The following NAT9 variants were observed in gnomAD, a reference collection of about 807,000 sequenced individuals.
The protein encoded by NAT9 is alpha/beta-tubulin-N-acetyltransferase 9.
In NAT9, 18 loss-of-function variants were observed where a neutral mutation model predicts 24.0. That is an observed-to-expected ratio of 0.75 (90% CI 0.52 to 1.11). The LOEUF is 1.11. Ranked by LOEUF, NAT9 falls within the 50% of genes most tolerant of loss-of-function variation. The pLI, the probability that NAT9 is intolerant of heterozygous loss-of-function variation, is 0.00. For synonymous variants in NAT9, 104 were observed against 102.3 expected, an observed-to-expected ratio of 1.02 and a Z score of -0.10; for missense variants, 254 against 258.6, an observed-to-expected ratio of 0.98 and a Z score of 0.12.
intron 2 of NAT9, chr17:74,774,076 T>C (rs2035616741): frequency 4.9e-6 from 1 of 202,510 alleles, no homozygotes; most frequent in East Asian, 1.1e-4. Flanking sequence ...AGAATACCCA[T>C]CTACAGCACC....
chr17:74,771,604 C>G lies in NAT9; in HGVS notation c.*120G>C. On this transcript the variant is annotated 3_prime_UTR_variant, in exon 7 of 7. Transcript: ENST00000357814. ...GCAAGCCCCGCCAGAGTCTGAAGGG[C>G]CTCGAAAGGTGATTCCCAGCCTGGG... 1 of 1,454,822 alleles carries G rather than the reference C, an allele frequency of 6.9e-7. No homozygotes were observed. The highest frequency in any genetic ancestry group is 9.2e-7 in the Non-Finnish European group (1 of 1,085,566). The allele number at this position is 1,454,822 out of a possible 1,614,324, so 90.1% of individuals were successfully genotyped here. A position where few individuals can be genotyped will look rare whatever the true frequency, so the allele number is the denominator to read the frequency against.
At chr17:74,774,847 G>A (rs922450424) in intron 2 of NAT9, among the ~76,000 whole-genome samples, 3 of 142,658 alleles carry the variant, frequency 2.1e-5, no homozygotes, top group Non-Finnish European at 4.6e-5. Context: ...ACTGCGCCCA[G>A]CCTTTATTTT....
Position 74,772,798 on chromosome 17 carries a change from T to C in NAT9, c.334+98A>G, listed in dbSNP as rs2035407626. On this transcript the variant is annotated intron_variant, in intron 4 of 6. Transcript: ENST00000357814. The stretch of plus-strand genomic sequence containing the variant: ...GGACTCACCACATGGAGCCTCCCAG[T>C]GAACCCTGTGAGTGCCCACCCTTTG... 4 of 1,542,052 alleles carry C rather than the reference T, an allele frequency of 2.6e-6. No individual in the cohort carries two copies. In the Admixed American group the frequency reaches 7.2e-5, roughly 28 times the overall value.
chr17:74,773,368 AGCCCGAT>A (rs1160991433), intron 3 of NAT9: 41 of 598,812 alleles, frequency 6.8e-5, no homozygotes, highest in Non-Finnish European at 1.0e-4. Context: ...AATCCTTCCA[AGCCCGAT>A]GCAGTGGGTG....
intron 3 of NAT9, 178 bp from the exon 4 acceptor site, chr17:74,773,217 A>C (rs1598371443): frequency 1.3e-6 from 1 of 792,910 alleles, no homozygotes; most frequent in East Asian, 2.7e-5. Context: ...CTCATACAGA[A>C]AAAGCCTCTC....
Position 74,771,440 on chromosome 17 carries a change from TC to T in NAT9, c.*283del. On this transcript the variant is annotated 3_prime_UTR_variant, in exon 7 of 7. Coordinates refer to ENST00000357814, the MANE Select transcript of NAT9 (RefSeq NM_015654.5). ...CCTGCACCTCCAGCTCCCACCTTCATCCCGACATCTCCCATGGATCCCTGCC... is the reference window on the plus strand; with the variant it reads ...CCTGCACCTCCAGCTCCCACCTTCATCCGACATCTCCCATGGATCCCTGCC... The T allele has an allele frequency of 2.0e-6, 1 of 505,212 alleles. No homozygotes were observed. Among genetic ancestry groups the T allele is most frequent in the East Asian group, 3.4e-5 (1 of 29,170 alleles). 31.3% of individuals were successfully genotyped at this position (505,212 alleles called of 1,614,324 possible). A position where few individuals can be genotyped will look rare whatever the true frequency, so the allele number is the denominator to read the frequency against.
chr17:74,771,755 G>C lies in NAT9; in HGVS notation c.593C>G (p.Pro198Arg), dbSNP rs2035225643. The C allele has an allele frequency of 6.2e-7, 1 of 1,613,992 alleles. No individual in the cohort carries two copies. Among genetic ancestry groups the C allele is most frequent in the Non-Finnish European group, 8.5e-7 (1 of 1,180,044 alleles). ...LEQTSHVEEK[P>R]YRDGSAEPC ...GGGCTCTGCCGACCCATCTCTGTAA[G>C]GCTTCTCTTCCACGTGGCTGGTCTG... The change falls in exon 7 of 7, where the codon CCT becomes CGT. Residue 198 changes from proline to arginine, a missense_variant. Physicochemically the swap from Pro to Arg is moderately radical, Grantham distance 103. Transcript: ENST00000357814.
intron 2 of NAT9, among the ~76,000 whole-genome samples, chr17:74,774,411 ATT>A (rs1376637159): frequency 3.1e-4 from 39 of 127,204 alleles, no homozygotes; most frequent in Non-Finnish European, 3.6e-4. Context: ...AGGTTCTGCT[ATT>A]TTTTTTTTTT....
chr17:74,774,313 T>TAAAGCAATTCCTTGCTG (rs1163650628), intron 2 of NAT9, among the ~76,000 whole-genome samples: 1 of 151,918 alleles, frequency 6.6e-6, no homozygotes, highest in Admixed American at 6.6e-5. Context: ...TTAGTTTACA[T>TAAAGCAATTCCTTGCTG]AAAGCAATTC....
Position 74,772,012 on chromosome 17 carries a change from C to G in NAT9, c.437G>C (p.Gly146Ala). The G allele has an allele frequency of 1.2e-6, 2 of 1,614,192 alleles. No homozygotes were observed. The highest frequency in any genetic ancestry group is 1.7e-6 in the Non-Finnish European group (2 of 1,180,030). Reference protein sequence around the residue: ...LGLTKFEAKIGQGNEPSIRMF... With the variant: ...LGLTKFEAKIAQGNEPSIRMF... ...CCGGATGCTTGGTTCATTTCCTTGC[C>G]CAATTTTAGCCTCAAACTTGGTCAG... is the stretch of plus-strand genomic sequence containing the variant. The change falls in exon 6 of 7, where the codon GGG (glycine) becomes GCG (alanine). Residue 146 changes from glycine (G) to alanine (A), a missense_variant. By Grantham distance (60) the Gly-to-Ala change is moderately conservative. Transcript: ENST00000357814.
rs931897524 is a variant in NAT9, at chr17:74,771,511, G to A, written c.*213C>T. The A allele has an allele frequency of 1.4e-6, 1 of 714,508 alleles. No individual in the cohort carries two copies. The highest frequency in any genetic ancestry group is 1.8e-5 in the African/African-American group (1 of 56,138). 44.3% of individuals were successfully genotyped at this position (714,508 alleles called of 1,614,324 possible). ...AGTCTGGGTCTGGGTTTGGCCGGGAGGGGAGAAGGGAACTGGCCCTGGCCC... is the reference window on the plus strand; with the variant it reads ...AGTCTGGGTCTGGGTTTGGCCGGGAAGGGAGAAGGGAACTGGCCCTGGCCC... On this transcript the variant is annotated 3_prime_UTR_variant, in exon 7 of 7. Transcript: ENST00000357814.
intron 2 of NAT9, among the ~76,000 whole-genome samples, chr17:74,774,929 C>T (rs2035807088): frequency 6.7e-6 from 1 of 150,012 alleles, no homozygotes; most frequent in Non-Finnish European, 1.5e-5. Flanking sequence ...GATCTCGGCT[C>T]ACCACAACCT....
At chr17:74,773,743 G>A in intron 2 of NAT9, 55 bp from the exon 3 acceptor site, 2 of 1,429,508 alleles carry the variant, frequency 1.4e-6, no homozygotes, top group East Asian at 2.3e-5. Flanking sequence ...GCATACGTCT[G>A]ACACCTTATG....
intron 3 of NAT9, 68 bp from the exon 4 acceptor site, chr17:74,773,107 C>T: frequency 1.9e-6 from 3 of 1,561,124 alleles, no homozygotes; most frequent in East Asian, 4.7e-5. Context: ...GGTACTCCTA[C>T]CCAAGCCAGA....
chr17:74,773,059 G>A lies in NAT9; in HGVS notation c.191-20C>T. 1 of 1,612,318 alleles carries A rather than the reference G, an allele frequency of 6.2e-7. No homozygotes were observed. Reference sequence around the variant, plus strand: ...TACACTCTGAGGAGGAGGTGACAGGGCTATCACACACACTCCCCAGAGGAG... The same window carrying A: ...TACACTCTGAGGAGGAGGTGACAGGACTATCACACACACTCCCCAGAGGAG... On this transcript the variant is annotated intron_variant, in intron 3 of 6. Transcript: ENST00000357814.
chr17:74,771,669 G>C lies in NAT9; in HGVS notation c.*55C>G. The C allele has an allele frequency of 6.2e-7, 1 of 1,605,374 alleles. No individual in the cohort carries two copies. ...CCAGTGCAGGGCTCTGGTCTTTGAA[G>C]TGTATGGGCCCAACACCCTGCTCAC... is the stretch of plus-strand genomic sequence containing the variant. On this transcript the variant is annotated 3_prime_UTR_variant, in exon 7 of 7. Coordinates refer to ENST00000357814, the MANE Select transcript of NAT9 (RefSeq NM_015654.5).
intron 4 of NAT9, 113 bp downstream of exon 4, chr17:74,772,783 C>T (rs2035405498): frequency 3.3e-6 from 5 of 1,493,570 alleles, no homozygotes; most frequent in Non-Finnish European, 4.6e-6. Context: ...GGACTCACCA[C>T]ATGGAGCCTC....
chr17:74,772,129 G>A, intron 5 of NAT9, 75 bp from the exon 6 acceptor site: 1 of 1,613,516 alleles, frequency 6.2e-7, no homozygotes, highest in Middle Eastern at 1.7e-4. Flanking sequence ...TGCAGAGGAG[G>A]AACCTTCACC....
At chr17:74,772,830 C>T (rs111612121) in intron 4 of NAT9, 66 bp downstream of exon 4, 80 of 1,600,752 alleles carry the variant, frequency 5.0e-5, no homozygotes, top group Non-Finnish European at 6.3e-5. Flanking sequence ...TTTGCAGCCT[C>T]GGCAGGCTCA....
Sources: gnomAD v4.1 joint callset for allele counts (sites outside exome capture counted in the v4.1 genomes callset) on GRCh38, gnomAD v4.1.1 for gene constraint, MANE v1.5 for transcripts, NCBI Gene and HGNC (gene_info 2026-07-23, HGNC 2026-07-21) for gene names.